Variants in RHEX observed in about 807,000 individuals in gnomAD.
The protein encoded by RHEX is regulator of hemoglobinization and erythroid cell expansion.
A neutral mutation model predicts 20.1 loss-of-function variants in RHEX; 18 were observed. The ratio of observed to expected loss-of-function variants is 0.90; its 90% CI spans 0.62 to 1.33. The LOEUF (loss-of-function observed/expected upper bound fraction) is 1.33. Ranked by LOEUF, RHEX falls within the 40% of genes most tolerant of loss-of-function variation. The pLI is 0.00. For missense variants in RHEX, 192 were observed against 214.3 expected (o/e 0.90, Z 0.65); for synonymous variants, 87 against 77.1 (o/e 1.13, Z -0.67).
chr1:206,078,316 G>A (rs1553285471), intron 1 of RHEX, among the ~76,000 whole-genome samples: 1 of 152,156 alleles, frequency 6.6e-6, no homozygotes, highest in Admixed American at 6.5e-5. Flanking sequence ...GAGGCAGGAG[G>A]ATCCCTTGAG....
chr1:206,059,429 T>G lies in RHEX; in HGVS notation c.-97+6164T>G, dbSNP rs568503289. On this transcript the variant is annotated intron_variant, in intron 1 of 5. Coordinates refer to ENST00000331555, the MANE Select transcript of RHEX (RefSeq NM_001007544.4). ...TACTTTTGTGTTCCCAGATGCTATT[T>G]ATCCAAGGTGGCTAGTAAATTGCCT... is the stretch of plus-strand genomic sequence containing the variant. 1.1e-4 allele frequency among the ~76,000 whole-genome samples: 16 copies of G among 152,294 alleles called. No individual in the cohort carries two copies. In the East Asian group the frequency reaches 2.9e-3, roughly 28 times the overall value.
intron 1 of RHEX, among the ~76,000 whole-genome samples, chr1:206,057,837 G>C (rs896890968): frequency 7.9e-5 from 12 of 152,238 alleles, no homozygotes; most frequent in Non-Finnish European, 1.5e-4. Context: ...ATGTCTCATG[G>C]GGATATGGAA....
At chr1:206,087,762 A>G (rs1289793693) in intron 1 of RHEX, among the ~76,000 whole-genome samples, 1 of 152,196 alleles carries the variant, frequency 6.6e-6, no homozygotes, top group African/African-American at 2.4e-5. Context: ...GCTTATTTCA[A>G]TGTCTGAAAA....
intron 1 of RHEX, among the ~76,000 whole-genome samples, chr1:206,063,924 CG>C: frequency 6.6e-6 from 1 of 151,034 alleles, no homozygotes; most frequent in Middle Eastern, 3.5e-3. Context: ...TCTGCCCGGC[CG>C]CCATCCCATC....
intron 1 of RHEX, chr1:206,060,617 T>C (rs1193219032): frequency 6.6e-6 from 1 of 152,448 alleles, no homozygotes; most frequent in East Asian, 1.9e-4. Flanking sequence ...AGCCTGGAAG[T>C]GGGAGAGCTT....
At chr1:206,072,769 C>T (rs146445760) in intron 1 of RHEX, among the ~76,000 whole-genome samples, 2 of 150,844 alleles carry the variant, frequency 1.3e-5, no homozygotes, top group Non-Finnish European at 3.0e-5. Flanking sequence ...GAAGCCCTAA[C>T]ATTTATGACT....
At chr1:206,081,442 A>G (rs1553285894) in intron 1 of RHEX, among the ~76,000 whole-genome samples, 1 of 152,214 alleles carries the variant, frequency 6.6e-6, no homozygotes, top group Admixed American at 6.5e-5. Context: ...AATTCTTACA[A>G]TGAGATATAA....
intron 1 of RHEX, among the ~76,000 whole-genome samples, chr1:206,068,816 A>T (rs1419420439): frequency 6.6e-6 from 1 of 152,222 alleles, no homozygotes; most frequent in East Asian, 1.9e-4. Context: ...GTATTCTTCA[A>T]ACTCTCTTTT....
intron 1 of RHEX, among the ~76,000 whole-genome samples, chr1:206,068,106 C>T (rs1371156981): frequency 3.3e-5 from 5 of 152,188 alleles, no homozygotes; most frequent in African/African-American, 1.2e-4. Context: ...ACCTGATTGC[C>T]TAAGATTTTC....
intron 1 of RHEX, among the ~76,000 whole-genome samples, chr1:206,090,497 G>T (rs28450722): frequency 1.3e-5 from 2 of 151,720 alleles, no homozygotes; most frequent in Admixed American, 1.3e-4. Flanking sequence ...GTGAGCCACC[G>T]CGCCTGGCCC....
Position 206,083,576 on chromosome 1 carries a change from A to C in RHEX, c.-96-14157A>C, listed in dbSNP as rs538207598. 2.9e-4 allele frequency: 282 copies of C among 985,446 alleles called. 4 individuals carry two copies. In the South Asian group the frequency reaches 0.012, roughly 42 times the overall value. The allele number at this position is 985,446 out of a possible 1,614,324, so 61.0% of individuals were successfully genotyped here. ...GAAGCTTCTGGGTAGGGGCTGGAGA[A>C]GGGTCGGGGAGATATTTCCGTTAGG... On this transcript the variant is annotated intron_variant, in intron 1 of 5. Coordinates refer to ENST00000331555, the MANE Select transcript of RHEX (RefSeq NM_001007544.4).
chr1:206,087,715 T>A (rs74144320), intron 1 of RHEX, among the ~76,000 whole-genome samples: 3,885 of 152,330 alleles, frequency 0.026, 176 homozygotes, highest in African/African-American at 0.089. Context: ...TAGATAAATT[T>A]GGTGTCATGC....
At chr1:206,097,656 C>T (rs1447133060) in intron 1 of RHEX, 77 bp from the exon 2 acceptor site, 4 of 829,516 alleles carry the variant, frequency 4.8e-6, no homozygotes, top group Non-Finnish European at 7.8e-6. Flanking sequence ...ACAATTGATC[C>T]TCAAGTAGCT....
chr1:206,064,432 G>GT (rs1662377451), intron 1 of RHEX, among the ~76,000 whole-genome samples: 1 of 104,708 alleles, frequency 9.6e-6, no homozygotes. Context: ...CGTCCGGGAG[G>GT]GAGGTGGGGG....
chr1:206,064,041 G>A (rs1553283753), intron 1 of RHEX, among the ~76,000 whole-genome samples: 4 of 148,236 alleles, frequency 2.7e-5, no homozygotes, highest in South Asian at 2.2e-4. Context: ...CCTTTGCCCC[G>A]CCGCCCCGTC....
intron 1 of RHEX, among the ~76,000 whole-genome samples, chr1:206,091,036 TG>T (rs1662939534): frequency 6.6e-6 from 1 of 152,232 alleles, no homozygotes; most frequent in African/African-American, 2.4e-5. Context: ...ATTTTGTTAA[TG>T]TAGCAGCTGA....
chr1:206,063,724 C>G (rs1336505550), intron 1 of RHEX, among the ~76,000 whole-genome samples: 1 of 152,240 alleles, frequency 6.6e-6, no homozygotes, highest in African/African-American at 2.4e-5. Context: ...AGTGCAGTGG[C>G]GTGATCTCGG....
intron 1 of RHEX, among the ~76,000 whole-genome samples, chr1:206,083,312 G>A (rs1037362114): frequency 2.6e-5 from 4 of 152,176 alleles, no homozygotes; most frequent in Non-Finnish European, 4.4e-5. Context: ...ACCTGGCTGC[G>A]TGTGTATTTG....
intron 1 of RHEX, among the ~76,000 whole-genome samples, chr1:206,064,725 G>C (rs1329296775): frequency 2.1e-5 from 3 of 142,396 alleles, no homozygotes; most frequent in African/African-American, 7.8e-5. Context: ...GGCCGCCCCT[G>C]CTGGGAAGTG....
Sources: gnomAD v4.1 joint callset for allele counts (sites outside exome capture counted in the v4.1 genomes callset) on GRCh38, gnomAD v4.1.1 for gene constraint, MANE v1.5 for transcripts, NCBI Gene and HGNC (gene_info 2026-07-23, HGNC 2026-07-21) for gene names.